The following VTI1A variants were observed in gnomAD, a reference collection of about 807,000 sequenced individuals.
The protein encoded by VTI1A is vesicle transport through interaction with t-SNAREs 1A.
In VTI1A, 22 loss-of-function variants were observed where a neutral mutation model predicts 34.9. That is an observed-to-expected ratio of 0.63 (90% CI 0.45 to 0.90). VTI1A has a LOEUF of 0.90. VTI1A is among the 40% of genes least tolerant of loss of function. The pLI is 0.00. For synonymous variants in VTI1A, 87 were observed against 97.3 expected, an observed-to-expected ratio of 0.89 and a Z score of 0.62; for missense variants, 268 against 275.6, an observed-to-expected ratio of 0.97 and a Z score of 0.20.
rs1850692302 is a variant in VTI1A, at chr10:112,741,462, GTT to G, written c.560+72465_560+72466del. Reference sequence around the variant, plus strand: ...AAAACTAAAAAACAAAAGAGTGACTGTTAACGGATATTGGGGTTTCTTTTGCA... The same window carrying G: ...AAAACTAAAAAACAAAAGAGTGACTGAACGGATATTGGGGTTTCTTTTGCA... On this transcript the variant is annotated intron_variant, in intron 7 of 7. Transcript: ENST00000393077. 2.6e-5 allele frequency among the ~76,000 whole-genome samples: 4 copies of G among 152,226 alleles called. No individual in the cohort carries two copies. The South Asian group carries it at 8.3e-4, about 32-fold the overall frequency.
At chr10:112,748,544 G>T (rs1009687599) in intron 7 of VTI1A, among the ~76,000 whole-genome samples, 1 of 147,934 alleles carries the variant, frequency 6.8e-6, no homozygotes, top group African/African-American at 2.5e-5. Flanking sequence ...ATGTGCCCTG[G>T]ATAATTATAC....
intron 3 of VTI1A, among the ~76,000 whole-genome samples, chr10:112,480,205 CAAAT>C (rs1030314335): frequency 2.0e-5 from 3 of 152,082 alleles, no homozygotes; most frequent in African/African-American, 7.2e-5. Flanking sequence ...ATTAGTAAAA[CAAAT>C]AATATTAAAC....
intron 5 of VTI1A, among the ~76,000 whole-genome samples, chr10:112,567,917 G>A (rs1190302879): frequency 1.3e-5 from 2 of 152,052 alleles, no homozygotes; most frequent in Non-Finnish European, 2.9e-5. Context: ...CTTAAATAGG[G>A]CACACATCCG....
intron 7 of VTI1A, among the ~76,000 whole-genome samples, chr10:112,695,208 A>G (rs1848738972): frequency 6.6e-6 from 1 of 152,130 alleles, no homozygotes; most frequent in Non-Finnish European, 1.5e-5. Flanking sequence ...TACTGTTTTT[A>G]TTTCTGATCG....
intron 5 of VTI1A, among the ~76,000 whole-genome samples, chr10:112,631,653 TA>T (rs1405871533): frequency 1.3e-5 from 2 of 152,210 alleles, no homozygotes; most frequent in African/African-American, 4.8e-5. Flanking sequence ...GCTCTGCTAT[TA>T]ACTCCCTGAA....
chr10:112,471,273 G>C (rs1238933617), intron 3 of VTI1A, among the ~76,000 whole-genome samples: 3 of 151,804 alleles, frequency 2.0e-5, no homozygotes, highest in African/African-American at 7.3e-5. Context: ...GTGTGGGAGG[G>C]TGTTAAGGAA....
chr10:112,776,224 C>T (rs1031033307), intron 7 of VTI1A, among the ~76,000 whole-genome samples: 2 of 152,214 alleles, frequency 1.3e-5, no homozygotes, highest in South Asian at 2.1e-4. Flanking sequence ...GTGTTCAACA[C>T]GCGCTGCACC....
intron 7 of VTI1A, among the ~76,000 whole-genome samples, chr10:112,800,404 G>A (rs979703604): frequency 2.0e-4 from 30 of 152,254 alleles, no homozygotes; most frequent in African/African-American, 5.8e-4. Flanking sequence ...CAAGGCACCT[G>A]AGGCAGGAGG....
At chr10:112,518,305 C>G (rs1197331787) in intron 3 of VTI1A, among the ~76,000 whole-genome samples, 2 of 151,880 alleles carry the variant, frequency 1.3e-5, no homozygotes, top group African/African-American at 4.8e-5. Flanking sequence ...AAATAACTCC[C>G]ACAAGCTTAG....
At chr10:112,622,196 A>G (rs2134573653) in intron 5 of VTI1A, among the ~76,000 whole-genome samples, 1 of 152,306 alleles carries the variant, frequency 6.6e-6, no homozygotes, top group South Asian at 2.1e-4. Context: ...GCCATAAGCC[A>G]GTCGATATAC....
At chr10:112,593,402 C>G (rs955360846) in intron 5 of VTI1A, among the ~76,000 whole-genome samples, 1 of 152,168 alleles carries the variant, frequency 6.6e-6, no homozygotes, top group Non-Finnish European at 1.5e-5. Flanking sequence ...TCCCCTTCCT[C>G]AGGGAGGGCT....
intron 5 of VTI1A, among the ~76,000 whole-genome samples, chr10:112,626,488 A>C (rs1031132298): frequency 6.6e-6 from 1 of 152,120 alleles, no homozygotes; most frequent in Non-Finnish European, 1.5e-5. Flanking sequence ...TGAAATTATA[A>C]TCTTTTTCTG....
At chr10:112,644,878 G>A (rs1012351552) in intron 5 of VTI1A, among the ~76,000 whole-genome samples, 1 of 152,136 alleles carries the variant, frequency 6.6e-6, no homozygotes, top group Non-Finnish European at 1.5e-5. Context: ...ATTATGGTAA[G>A]GAATAGTTTA....
At chr10:112,513,725 G>A (rs567672389) in intron 3 of VTI1A, among the ~76,000 whole-genome samples, 1 of 18,958 alleles carries the variant, frequency 5.3e-5, no homozygotes, top group Non-Finnish European at 1.3e-4. Flanking sequence ...TACCTAATCT[G>A]TTGAGGTTTT....
chr10:112,559,861 A>G (rs552090121), intron 5 of VTI1A, among the ~76,000 whole-genome samples: 1 of 152,332 alleles, frequency 6.6e-6, no homozygotes, highest in East Asian at 1.9e-4. Flanking sequence ...ATTGGGGGAA[A>G]TAAAGTTATG....
intron 3 of VTI1A, among the ~76,000 whole-genome samples, chr10:112,496,167 G>A (rs1156282072): frequency 9.2e-6 from 1 of 108,376 alleles, no homozygotes; most frequent in South Asian, 3.4e-4. Context: ...TTCAAGACCA[G>A]CATAGGCAAA....
In VTI1A at chr10:112,538,291, C is replaced by G. The variant is rs747671848; in HGVS notation, c.388C>G (p.Arg130Gly). Residue 130 changes from arginine to glycine, a missense_variant, in exon 5 of 8, where the codon CGG becomes GGG. By Grantham distance (125) the Arg-to-Gly change is moderately radical. Transcript: ENST00000393077. ...CACAGAGAGGCTGGAAAGGTCATCT[C>G]GGAGACTAGAGGCTGGATACCAAAT... ...DNTERLERSS[R>G]RLEAGYQIAV... 6 of 1,613,278 alleles carry G rather than the reference C, an allele frequency of 3.7e-6. No individual in the cohort carries two copies. In the African/African-American group the frequency reaches 5.4e-5, roughly 14 times the overall value.
At chr10:112,544,499 C>A (rs910274094) in intron 5 of VTI1A, among the ~76,000 whole-genome samples, 6 of 152,106 alleles carry the variant, frequency 3.9e-5, no homozygotes, top group African/African-American at 1.4e-4. Flanking sequence ...CCACGCCCGG[C>A]TGAGACAGAC....
At chr10:112,743,675 G>C (rs1283165627) in intron 7 of VTI1A, among the ~76,000 whole-genome samples, 1 of 152,096 alleles carries the variant, frequency 6.6e-6, no homozygotes, top group African/African-American at 2.4e-5. Context: ...AACTCCACAT[G>C]GCAAACCCAA....
Sources: allele counts gnomAD v4.1 joint callset (sites outside exome capture counted in the v4.1 genomes callset), GRCh38; gene constraint gnomAD v4.1.1; transcripts MANE v1.5; gene names NCBI Gene and HGNC (gene_info 2026-07-23, HGNC 2026-07-21).